DLGAP2: variants seen among roughly 807,000 people sequenced by gnomAD.
DLGAP2 encodes the protein DLG associated protein 2.
Under a neutral mutation model 100.3 loss-of-function variants are expected in DLGAP2, and 26 were observed. That is an observed-to-expected ratio of 0.26 (90% CI 0.19 to 0.36). DLGAP2 has a LOEUF of 0.36. DLGAP2 is among the 10% of genes least tolerant of loss of function. The pLI, the probability that DLGAP2 is intolerant of heterozygous loss-of-function variation, is 1.00. For synonymous variants in DLGAP2, 886 were observed against 630.1 expected, an observed-to-expected ratio of 1.41 and a Z score of -6.08; for missense variants, 1,858 against 1,453.2, an observed-to-expected ratio of 1.28 and a Z score of -4.53.
In DLGAP2 at chr8:1,327,268, G is replaced by A. The variant is rs1167028804; in HGVS notation, c.106+68385G>A. On this transcript the variant is annotated intron_variant, in intron 3 of 14. Coordinates refer to ENST00000637795, the MANE Select transcript of DLGAP2 (RefSeq NM_001346810.2). ...CCAACCAGGGTCCCTTGGCCAAGGC[G>A]GATGTGATGGGCCCACCCTCCACTG... 3.3e-5 allele frequency among the ~76,000 whole-genome samples: 5 copies of A among 152,196 alleles called. No homozygotes were observed. The South Asian group carries it at 6.2e-4, about 19-fold the overall frequency.
intron 3 of DLGAP2, among the ~76,000 whole-genome samples, chr8:1,277,305 C>T (rs1322603009): frequency 6.6e-6 from 1 of 152,142 alleles, no homozygotes; most frequent in Admixed American, 6.5e-5. Context: ...TATTTGGTAA[C>T]TGTATTTTTT....
At chr8:865,866 C>A (rs985986772) in intron 1 of DLGAP2, among the ~76,000 whole-genome samples, 2 of 152,160 alleles carry the variant, frequency 1.3e-5, no homozygotes, top group African/African-American at 4.8e-5. Context: ...GTCTGCGGCT[C>A]ACAGCAGGGC....
At chr8:1,133,151 A>G (rs11989422) in intron 2 of DLGAP2, among the ~76,000 whole-genome samples, 7,092 of 152,200 alleles carry the variant, frequency 0.047, 433 homozygotes, top group African/African-American at 0.14. Context: ...TTCCTTGGCT[A>G]TTGTTTTAGG....
At chr8:837,581 G>T (rs1563056876) in intron 1 of DLGAP2, among the ~76,000 whole-genome samples, 1 of 152,000 alleles carries the variant, frequency 6.6e-6, no homozygotes. Context: ...CCGTGCTCAG[G>T]CCGCAGGCAG....
chr8:1,217,283 T>A (rs1798233552), intron 2 of DLGAP2, among the ~76,000 whole-genome samples: 1 of 152,192 alleles, frequency 6.6e-6, no homozygotes, highest in African/African-American at 2.4e-5. Flanking sequence ...CTGCAAAGGA[T>A]ATGATCTTGT....
chr8:1,350,788 C>T lies in DLGAP2; in HGVS notation c.106+91905C>T, dbSNP rs375510424. ...CCTGAGCGTGCGTGGAAAGGCCGTGCGGGTCCTGAGTGTGCGTGGAAAGGC... is the reference window on the plus strand; with the variant it reads ...CCTGAGCGTGCGTGGAAAGGCCGTGTGGGTCCTGAGTGTGCGTGGAAAGGC... On this transcript the variant is annotated intron_variant, in intron 3 of 14. Transcript: ENST00000637795. Among the ~76,000 whole-genome samples, 2 of 47,854 alleles carry T rather than the reference C, an allele frequency of 4.2e-5. 1 individual carries two copies. The highest frequency in any genetic ancestry group is 1.3e-4 in the African/African-American group (2 of 14,972). 31.4% of individuals were successfully genotyped at this position (47,854 alleles called of 152,430 possible). A position where few individuals can be genotyped will look rare whatever the true frequency, so the allele number is the denominator to read the frequency against.
chr8:1,221,408 G>A (rs1008452167), intron 2 of DLGAP2, among the ~76,000 whole-genome samples: 3 of 152,110 alleles, frequency 2.0e-5, no homozygotes, highest in Admixed American at 1.3e-4. Flanking sequence ...TTTTCTTTAC[G>A]GATGCTGAAT....
intron 2 of DLGAP2, among the ~76,000 whole-genome samples, chr8:1,048,205 C>T (rs570974761): frequency 6.6e-6 from 1 of 152,224 alleles, no homozygotes; most frequent in East Asian, 1.9e-4. Context: ...ATGAAGAGCA[C>T]GTAGATCGCT....
chr8:1,011,180 G>C (rs1159876663), intron 2 of DLGAP2, among the ~76,000 whole-genome samples: 5 of 150,692 alleles, frequency 3.3e-5, no homozygotes, highest in Non-Finnish European at 7.4e-5. Flanking sequence ...TCTACACAGT[G>C]AGCCCTGGAA....
intron 2 of DLGAP2, among the ~76,000 whole-genome samples, chr8:1,180,417 C>A (rs762343466): frequency 1.3e-5 from 2 of 152,218 alleles, no homozygotes; most frequent in Non-Finnish European, 2.9e-5. Flanking sequence ...GTTGCCCAGC[C>A]TGGTCTTGAG....
intron 1 of DLGAP2, among the ~76,000 whole-genome samples, chr8:901,362 A>G (rs7013263): frequency 0.014 from 2,138 of 152,304 alleles, 58 homozygotes; most frequent in African/African-American, 0.049. Flanking sequence ...CTATTTCTCT[A>G]TTATTTGAAT....
chr8:1,019,856 G>A (rs1801579329), intron 2 of DLGAP2, among the ~76,000 whole-genome samples: 2 of 152,306 alleles, frequency 1.3e-5, no homozygotes, highest in South Asian at 4.1e-4. Flanking sequence ...GTTTCTTGCA[G>A]GGACAAAGTC....
intron 2 of DLGAP2, among the ~76,000 whole-genome samples, chr8:911,298 A>G (rs977524409): frequency 6.6e-6 from 1 of 152,084 alleles, no homozygotes; most frequent in Non-Finnish European, 1.5e-5. Flanking sequence ...AGGATGCTGG[A>G]GAATCTTGGA....
At chr8:821,490 G>A (rs1796582644) in intron 1 of DLGAP2, among the ~76,000 whole-genome samples, 2 of 152,018 alleles carry the variant, frequency 1.3e-5, no homozygotes. Context: ...AGTATGCCAT[G>A]GAAAAAATGA....
chr8:738,808 A>T (rs1820399346), intron 1 of DLGAP2: 1 of 152,000 alleles, frequency 6.6e-6, no homozygotes, highest in African/African-American at 2.4e-5. Context: ...AGGGGCCTGG[A>T]GGAGAGATAG....
chr8:822,673 C>G (rs993380562), intron 1 of DLGAP2, among the ~76,000 whole-genome samples: 1 of 152,186 alleles, frequency 6.6e-6, no homozygotes, highest in Non-Finnish European at 1.5e-5. Flanking sequence ...GCAGTCTGAA[C>G]TGTTTTCCAG....
intron 2 of DLGAP2, among the ~76,000 whole-genome samples, chr8:1,242,564 T>C (rs544190165): frequency 1.3e-5 from 2 of 152,358 alleles, no homozygotes; most frequent in African/African-American, 2.4e-5. Flanking sequence ...GCTCCCCCAG[T>C]GCAGAAGGAG....
chr8:869,582 G>C (rs1376235336), intron 1 of DLGAP2, among the ~76,000 whole-genome samples: 1 of 152,130 alleles, frequency 6.6e-6, no homozygotes, highest in Non-Finnish European at 1.5e-5. Flanking sequence ...ATAACTCCAA[G>C]ACCTCCCTGT....
chr8:806,895 C>T (rs73530395), intron 1 of DLGAP2, among the ~76,000 whole-genome samples: 2,110 of 152,284 alleles, frequency 0.014, 61 homozygotes, highest in African/African-American at 0.048. Context: ...AAGAGCAAGG[C>T]TGGAAGGAAA....
Sources: allele counts gnomAD v4.1 joint callset (sites outside exome capture counted in the v4.1 genomes callset), GRCh38; gene constraint gnomAD v4.1.1; transcripts MANE v1.5; gene names NCBI Gene and HGNC (gene_info 2026-07-23, HGNC 2026-07-21).